The following CCDC141 variants were observed in gnomAD, a reference collection of about 807,000 sequenced individuals.
CCDC141 encodes the protein coiled-coil domain containing 141, also known as coiled-coil domain-containing protein 141.
CCDC141 carries 168 observed loss-of-function variants against 181.0 expected under a neutral mutation model. That is an observed-to-expected ratio of 0.93 (90% CI 0.82 to 1.05). The LOEUF (loss-of-function observed/expected upper bound fraction) is 1.05. Among genes scored for constraint, CCDC141 ranks in the 50% least tolerant of loss-of-function variants. The probability of loss-of-function intolerance (pLI) is 0.00; values close to 1 mark genes in which losing one functional copy is unlikely to be tolerated. For missense variants in CCDC141, 1,902 were observed against 1,788.5 expected, an observed-to-expected ratio of 1.06 and a Z score of -1.14; for synonymous variants, 666 against 642.3, an observed-to-expected ratio of 1.04 and a Z score of -0.56.
At chr2:178,987,195 C>A (rs1174788223) in intron 2 of CCDC141, among the ~76,000 whole-genome samples, 4 of 143,376 alleles carry the variant, frequency 2.8e-5, no homozygotes, top group South Asian at 4.9e-4. Context: ...TTTGACAAAC[C>A]TGACAAAAAC....
chr2:178,911,552 T>A (rs113396412), intron 7 of CCDC141, among the ~76,000 whole-genome samples: 1 of 152,208 alleles, frequency 6.6e-6, no homozygotes, highest in Admixed American at 6.5e-5. Flanking sequence ...TCCAACTGTA[T>A]CCCAAAAAGA....
Position 178,834,298 on chromosome 2 carries a change from G to A in CCDC141, c.4468C>T (p.Leu1490Phe). The A allele has an allele frequency of 6.5e-7, 1 of 1,536,006 alleles. No individual in the cohort carries two copies. The highest frequency in any genetic ancestry group is 8.7e-7 in the Non-Finnish European group (1 of 1,146,846). Residue 1490 changes from leucine (L) to phenylalanine (F), a missense_variant, in exon 24 of 24, where the codon CTC becomes TTC. Coordinates refer to ENST00000443758, the MANE Select transcript of CCDC141 (RefSeq NM_173648.4). ...ACGTGGAGGATGACATTGGAAGAGA[G>A]AGCGCCGCTAGAGTTTTGGGCCCGA... ...VARAQNSSGA[L>F]SSNVILHVTG...
chr2:178,870,959 A>G (rs1686093935), intron 14 of CCDC141, among the ~76,000 whole-genome samples: 1 of 152,090 alleles, frequency 6.6e-6, no homozygotes, highest in Admixed American at 6.5e-5. Flanking sequence ...AGGGCACAGC[A>G]AAATTCCTGG....
chr2:178,873,085 G>C (rs568426804), intron 12 of CCDC141: 1 of 152,060 alleles, frequency 6.6e-6, no homozygotes, highest in South Asian at 2.1e-4. Context: ...TTCATTTGGC[G>C]AAACAATTCT....
intron 7 of CCDC141, among the ~76,000 whole-genome samples, chr2:178,910,243 A>T (rs1208651442): frequency 6.6e-6 from 1 of 152,224 alleles, no homozygotes; most frequent in Non-Finnish European, 1.5e-5. Context: ...CATCTAGCAG[A>T]ATTCTATCAT....
intron 22 of CCDC141, among the ~76,000 whole-genome samples, chr2:178,840,838 A>G (rs1370423168): frequency 6.6e-6 from 1 of 152,230 alleles, no homozygotes; most frequent in Non-Finnish European, 1.5e-5. Flanking sequence ...TTCCTAAAAT[A>G]GAAAAAGTAC....
chr2:178,842,950 G>A (rs1173225193), intron 22 of CCDC141, among the ~76,000 whole-genome samples: 3 of 151,898 alleles, frequency 2.0e-5, no homozygotes, highest in East Asian at 1.9e-4. Flanking sequence ...TGTACCTGCC[G>A]GGTGATCAGG....
At position 178,836,996 on chromosome 2, in the gene CCDC141, G is replaced by A; in HGVS notation, c.4223C>T (p.Ala1408Val). Reference protein sequence around the residue: ...KSSVVSLADQAPNFSRLLSNV... With the variant: ...KSSVVSLADQVPNFSRLLSNV... The stretch of plus-strand genomic sequence containing the variant: ...AGACAGGAGCCTGGAGAAATTAGGT[G>A]CCTGGTCAGCTAGGCTGACCACGCT... The change falls in exon 23 of 24, where the codon GCA becomes GTA. Residue 1408 changes from alanine to valine, a missense_variant. Physicochemically the swap from Ala to Val is moderately conservative, Grantham distance 64. Transcript: ENST00000443758. 1 of 1,613,972 alleles carries A rather than the reference G, an allele frequency of 6.2e-7. No homozygotes were observed. Among genetic ancestry groups the A allele is most frequent in the Non-Finnish European group, 8.5e-7 (1 of 1,179,960 alleles).
rs143067958 is a variant in CCDC141, at chr2:178,861,665, A to G, written c.2724+4102T>C. 4.4e-3 allele frequency among the ~76,000 whole-genome samples: 646 copies of G among 147,756 alleles called. 7 individuals are homozygous for G. The highest frequency in any genetic ancestry group is 0.015 in the African/African-American group (622 of 40,308). On this transcript the variant is annotated intron_variant, in intron 17 of 23. Coordinates refer to ENST00000443758, the MANE Select transcript of CCDC141 (RefSeq NM_173648.4). ...AAAAAAAAAAAAAAGTTTTTTTTGTAGAGGCAGGGTCTCACCATCTTGCCT... is the reference window on the plus strand; with the variant it reads ...AAAAAAAAAAAAAAGTTTTTTTTGTGGAGGCAGGGTCTCACCATCTTGCCT...
chr2:178,867,833 T>A lies in CCDC141; in HGVS notation c.2574+193A>T, dbSNP rs192823004. Among the ~76,000 whole-genome samples, 145 of 152,312 alleles carry A rather than the reference T, an allele frequency of 9.5e-4. 2 individuals are homozygous for A. The highest frequency in any genetic ancestry group is 1.7e-3 in the Non-Finnish European group (116 of 68,030). ...TGAAAATAGAGGTATTCAACAAGAC[T>A]TTTACATTCAGATTTTCTACTTAAA... is the stretch of plus-strand genomic sequence containing the variant. On this transcript the variant is annotated intron_variant, in intron 16 of 23. Coordinates refer to ENST00000443758, the MANE Select transcript of CCDC141 (RefSeq NM_173648.4).
At chr2:178,932,994 T>C (rs920080284) in intron 6 of CCDC141, among the ~76,000 whole-genome samples, 8 of 152,092 alleles carry the variant, frequency 5.3e-5, no homozygotes, top group Admixed American at 3.9e-4. Flanking sequence ...TTTCTGAAGA[T>C]CTCCAAATAA....
rs569202556 is a variant in CCDC141 at position 178,941,586 on chromosome 2, T to A, written c.897+2949A>T. On this transcript the variant is annotated intron_variant, in intron 6 of 23. Coordinates refer to ENST00000443758, the MANE Select transcript of CCDC141 (RefSeq NM_173648.4). ...CAACCCATAGTTTGGAAGGAAAATCTTACATTGGAAAGAATGCTTCACATA... is the reference window on the plus strand; with the variant it reads ...CAACCCATAGTTTGGAAGGAAAATCATACATTGGAAAGAATGCTTCACATA... 1.3e-4 allele frequency among the ~76,000 whole-genome samples: 20 copies of A among 152,164 alleles called. No individual in the cohort carries two copies. The South Asian group carries it at 4.2e-3, about 32-fold the overall frequency.
chr2:178,955,867 AACTG>A (rs1354466639), intron 5 of CCDC141, among the ~76,000 whole-genome samples: 5 of 152,388 alleles, frequency 3.3e-5, no homozygotes, highest in Non-Finnish European at 7.3e-5. Flanking sequence ...AACATTATTA[AACTG>A]ACTTTTATTT....
At chr2:178,945,187 T>C (rs1479824489) in intron 5 of CCDC141, among the ~76,000 whole-genome samples, 2 of 152,216 alleles carry the variant, frequency 1.3e-5, no homozygotes, top group African/African-American at 4.8e-5. Context: ...ACATGCCATA[T>C]ACAGTGCTGA....
chr2:178,853,109 TTTTG>T (rs570020615), intron 20 of CCDC141, among the ~76,000 whole-genome samples: 11 of 152,292 alleles, frequency 7.2e-5, no homozygotes, highest in South Asian at 2.1e-4. Flanking sequence ...GGAAATTAGA[TTTTG>T]TTTGTTTGTT....
At chr2:178,964,910 CATTA>C (rs1427037067) in intron 4 of CCDC141, among the ~76,000 whole-genome samples, 1 of 152,110 alleles carries the variant, frequency 6.6e-6, no homozygotes, top group Non-Finnish European at 1.5e-5. Context: ...GATAAATTTT[CATTA>C]ATTGTTTTGA....
chr2:178,911,960 T>G (rs1271213453), intron 7 of CCDC141, among the ~76,000 whole-genome samples: 2 of 152,222 alleles, frequency 1.3e-5, no homozygotes, highest in African/African-American at 4.8e-5. Flanking sequence ...GTAATTAAAT[T>G]ATCTTCTTTC....
chr2:179,015,606 T>G (rs199878696), intron 2 of CCDC141, among the ~76,000 whole-genome samples: 20,193 of 70,156 alleles, frequency 0.29, 7,621 homozygotes, highest in Non-Finnish European at 0.44. Flanking sequence ...ATCTCATATA[T>G]CTCATATAGC....
intron 8 of CCDC141, among the ~76,000 whole-genome samples, chr2:178,895,237 T>C (rs1489589101): frequency 1.3e-5 from 2 of 152,212 alleles, no homozygotes; most frequent in Non-Finnish European, 2.9e-5. Flanking sequence ...GGGTTTGCAC[T>C]ATTATAAATA....
Sources: allele counts gnomAD v4.1 joint callset (sites outside exome capture counted in the v4.1 genomes callset), GRCh38; gene constraint gnomAD v4.1.1; transcripts MANE v1.5; gene names NCBI Gene and HGNC (gene_info 2026-07-23, HGNC 2026-07-21).